Variants in IRF6 observed in about 807,000 individuals in gnomAD.
The protein encoded by IRF6 is interferon regulatory factor 6, also known as Van der Woude syndrome.
Under a neutral mutation model 51.4 loss-of-function variants are expected in IRF6, and 6 were observed. The ratio of observed to expected loss-of-function variants is 0.12; its 90% confidence interval spans 0.06 to 0.23. The LOEUF (loss-of-function observed/expected upper bound fraction) is 0.23. Among genes scored for constraint, IRF6 ranks in the 10% least tolerant of loss-of-function variants. The pLI is 1.00. For missense variants in IRF6, 348 were observed against 585.2 expected (o/e 0.59, Z 4.18); for synonymous variants, 178 against 215.7 (o/e 0.83, Z 1.53).
chr1:209,786,546 A>C lies in IRF6; in HGVS notation c.*1874T>G, dbSNP rs1251784682. On this transcript the variant is annotated 3_prime_UTR_variant, in exon 9 of 9. Coordinates refer to ENST00000367021, the MANE Select transcript of IRF6 (RefSeq NM_006147.4). ...TCCCACGTAGAGATGGGGCAGCCAAATATCAAGCCCAAATCCCTCACTTCA... is the reference window on the plus strand; with the variant it reads ...TCCCACGTAGAGATGGGGCAGCCAACTATCAAGCCCAAATCCCTCACTTCA... The C allele has an allele frequency of 6.6e-6, 1 of 152,178 alleles. No homozygotes were observed. Among genetic ancestry groups the C allele is most frequent in the Non-Finnish European group, 1.5e-5 (1 of 68,042 alleles). 9.4% of individuals were successfully genotyped at this position (152,178 alleles called of 1,614,324 possible).
rs78599614 is a variant in IRF6 at position 209,801,405 on chromosome 1, G to A, written c.9C>T (p.Leu3=). The change falls in exon 3 of 9, where the codon CTC becomes CTT. Residue 3 remains leucine (L), a synonymous_variant. Transcript: ENST00000367021. MA[L]HPRRVRLKPW... ...GCTTTAGCCGGACTCTGCGGGGGTG[G>A]AGGGCCATGATCTGGGGGGGTCAGA... 821 of 1,599,362 alleles carry A rather than the reference G, an allele frequency of 5.1e-4. 7 individuals are homozygous for A. In the East Asian group the frequency reaches 0.018, roughly 35 times the overall value.
chr1:209,795,766 C>A (rs1304773797), intron 4 of IRF6, among the ~76,000 whole-genome samples: 4 of 152,172 alleles, frequency 2.6e-5, no homozygotes, highest in Non-Finnish European at 5.9e-5. Flanking sequence ...CTGATCTTGT[C>A]ACTATTATAT....
chr1:209,798,284 G>A (rs984853020), intron 3 of IRF6, among the ~76,000 whole-genome samples: 3 of 152,200 alleles, frequency 2.0e-5, no homozygotes, highest in African/African-American at 4.8e-5. Context: ...TTCACTGGTC[G>A]CTGGTATCTG....
In IRF6 at chr1:209,787,780, C is replaced by T. The variant is rs929830656; in HGVS notation, c.*640G>A. On this transcript the variant is annotated 3_prime_UTR_variant, in exon 9 of 9. Transcript: ENST00000367021. ...GCTGGGTGACTTTCAGACTTTGGCACCCATTTCTATTTAGATATCAAGCAT... is the reference window on the plus strand; with the variant it reads ...GCTGGGTGACTTTCAGACTTTGGCATCCATTTCTATTTAGATATCAAGCAT... The T allele has an allele frequency of 2.0e-5, 3 of 152,440 alleles. No individual in the cohort carries two copies. Among genetic ancestry groups the T allele is most frequent in the African/African-American group, 7.2e-5 (3 of 41,410 alleles). The allele number at this position is 152,440 out of a possible 1,614,324, so 9.4% of individuals were successfully genotyped here. A position where few individuals can be genotyped will look rare whatever the true frequency, so the allele number is the denominator to read the frequency against.
intron 3 of IRF6, among the ~76,000 whole-genome samples, chr1:209,799,440 TAA>T (rs1558042247): frequency 6.6e-6 from 1 of 152,154 alleles, no homozygotes; most frequent in Non-Finnish European, 1.5e-5. Flanking sequence ...TCACGAGAAT[TAA>T]AAGAGATAAT....
chr1:209,792,535 C>G (rs1159780289), intron 5 of IRF6, 108 bp from the exon 6 acceptor site: 4 of 1,172,604 alleles, frequency 3.4e-6, no homozygotes, highest in Admixed American at 1.9e-5. Context: ...ACACTGAACC[C>G]TGACCCAGTG....
intron 1 of IRF6, among the ~76,000 whole-genome samples, chr1:209,804,408 A>G (rs1172600779): frequency 2.6e-5 from 4 of 152,120 alleles, no homozygotes; most frequent in African/African-American, 7.2e-5. Context: ...AAAAACATCA[A>G]CAAAGATCCC....
At chr1:209,799,344 T>G (rs2077925424) in intron 3 of IRF6, among the ~76,000 whole-genome samples, 1 of 152,194 alleles carries the variant, frequency 6.6e-6, no homozygotes. Context: ...ACTTACTGGC[T>G]GTGTGACTTT....
chr1:209,795,066 C>T lies in IRF6; in HGVS notation c.508+224G>A, dbSNP rs2013196. Among the ~76,000 whole-genome samples the T allele has an allele frequency of 0.15, 22,761 of 152,176 alleles. 2,086 individuals carry two copies. The highest frequency in any genetic ancestry group is 0.2 in the Non-Finnish European group (13,439 of 67,990). On this transcript the variant is annotated intron_variant, in intron 5 of 8. Transcript: ENST00000367021. ...TTATTTCTTTGAATTAGCACATAAG[C>T]TTCCAAAGATGTTCTATTGCCTGGA...
rs994668856 is a variant in IRF6 at position 209,790,956 on chromosome 1, C to T, written c.668-69G>A. 7.6e-5 allele frequency: 122 copies of T among 1,608,382 alleles called. No individual in the cohort carries two copies. Among genetic ancestry groups the T allele is most frequent in the Non-Finnish European group, 9.9e-5 (117 of 1,179,896 alleles). ...TGCCTGTTCATCCCTGTGACTCATG[C>T]AAGTCCATTAAGATCAAGCCACCTT... is the stretch of plus-strand genomic sequence containing the variant. On this transcript the variant is annotated intron_variant, in intron 6 of 8. Coordinates refer to ENST00000367021, the MANE Select transcript of IRF6 (RefSeq NM_006147.4). This position sits in a 1 kb window ranked among gnomAD's most constrained non-coding sequence, Gnocchi z 4.8.
intron 1 of IRF6, among the ~76,000 whole-genome samples, chr1:209,803,056 G>C (rs974000728): frequency 6.6e-6 from 1 of 151,998 alleles, no homozygotes; most frequent in Admixed American, 6.5e-5. Flanking sequence ...AGGTTGGCAC[G>C]CAGTGTTCAA....
At chr1:209,802,424 C>A (rs773214159) in intron 1 of IRF6, among the ~76,000 whole-genome samples, 26 of 152,184 alleles carry the variant, frequency 1.7e-4, no homozygotes, top group Non-Finnish European at 3.4e-4. Context: ...CAAAAGCCTT[C>A]CCAGATTGGG....
intron 6 of IRF6, among the ~76,000 whole-genome samples, chr1:209,791,810 A>G (rs1190898434): frequency 6.6e-6 from 1 of 152,140 alleles, no homozygotes; most frequent in Non-Finnish European, 1.5e-5. Flanking sequence ...GTTTTAGATC[A>G]TGTCTCATTC....
Position 209,801,059 on chromosome 1 carries a change from C to T in IRF6, c.174+181G>A, listed in dbSNP as rs183547129. On this transcript the variant is annotated intron_variant, in intron 3 of 8. Coordinates refer to ENST00000367021, the MANE Select transcript of IRF6 (RefSeq NM_006147.4). The stretch of plus-strand genomic sequence containing the variant: ...CCTTCAATGAGTGGGAAAGAATAAA[C>T]GGCTTCAACCATTGCAGACATGCCC... 2.8e-3 allele frequency among the ~76,000 whole-genome samples: 425 copies of T among 152,118 alleles called. 4 individuals are homozygous for T. The highest frequency in any genetic ancestry group is 2.4e-3 in the Non-Finnish European group (166 of 67,998).
chr1:209,801,424 G>A lies in IRF6; in HGVS notation c.-3-8C>T, dbSNP rs542623015. 17 of 1,564,870 alleles carry A rather than the reference G, an allele frequency of 1.1e-5. No homozygotes were observed. The highest frequency in any genetic ancestry group is 2.0e-5 in the Admixed American group (1 of 50,806). On this transcript the variant is annotated splice_region_variant and splice_polypyrimidine_tract_variant and intron_variant, in intron 2 of 8. Transcript: ENST00000367021. ...GGGGTGGAGGGCCATGATCTGGGGGGGTCAGAGGGAGAAATGGGAAGAGCA... is the reference window on the plus strand; with the variant it reads ...GGGGTGGAGGGCCATGATCTGGGGGAGTCAGAGGGAGAAATGGGAAGAGCA...
chr1:209,802,587 G>C (rs891778521), intron 1 of IRF6, among the ~76,000 whole-genome samples: 4 of 152,342 alleles, frequency 2.6e-5, no homozygotes, highest in Middle Eastern at 3.4e-3. Flanking sequence ...CAGCTACTGT[G>C]TGCCAAGCAC....
chr1:209,793,746 G>A (rs2077883622), intron 5 of IRF6, among the ~76,000 whole-genome samples: 1 of 152,140 alleles, frequency 6.6e-6, no homozygotes, highest in South Asian at 2.1e-4. Flanking sequence ...GGAGGCCCCA[G>A]TGTCTATTGT....
chr1:209,792,586 T>C (rs1287670654), intron 5 of IRF6, 159 bp from the exon 6 acceptor site: 1 of 705,146 alleles, frequency 1.4e-6, no homozygotes, highest in Non-Finnish European at 2.4e-6. Flanking sequence ...ACTAACGCAA[T>C]AAGAAATAAG....
At chr1:209,803,253 G>A (rs1242766591) in intron 1 of IRF6, among the ~76,000 whole-genome samples, 4 of 152,232 alleles carry the variant, frequency 2.6e-5, no homozygotes, top group African/African-American at 4.8e-5. Context: ...GAAGGAAAAA[G>A]AGGATAGGGA....
Sources: allele counts gnomAD v4.1 joint callset (sites outside exome capture counted in the v4.1 genomes callset), GRCh38; gene constraint gnomAD v4.1.1; non-coding constraint Gnocchi (gnomAD v3.1); transcripts MANE v1.5; gene names NCBI Gene and HGNC (gene_info 2026-07-23, HGNC 2026-07-21).